ARHGAP22: variants seen among roughly 807,000 people sequenced by gnomAD.
ARHGAP22 encodes Rho GTPase activating protein 22, also known as rho GTPase-activating protein 22.
A neutral mutation model predicts 59.1 loss-of-function variants in ARHGAP22; 48 were observed. That is an observed-to-expected ratio of 0.81 (90% CI 0.64 to 1.03). ARHGAP22 has a LOEUF of 1.03. Among genes scored for constraint, ARHGAP22 ranks in the 50% least tolerant of loss-of-function variants. The pLI is 0.00. For synonymous variants in ARHGAP22, 445 were observed against 416.4 expected (o/e 1.07, Z -0.84); for missense variants, 1,015 against 958.7 (o/e 1.06, Z -0.78).
intron 2 of ARHGAP22, among the ~76,000 whole-genome samples, chr10:48,575,994 C>A (rs186218324): frequency 6.6e-6 from 1 of 152,340 alleles, no homozygotes; most frequent in African/African-American, 2.4e-5. Flanking sequence ...CAAGTATAAG[C>A]AACCCACAAC....
At chr10:48,445,278 A>G (rs931234589), downstream of ARHGAP22, 5 of 152,246 alleles carry the variant, frequency 3.3e-5, no homozygotes, top group African/African-American at 1.2e-4. Context: ...TCTGGTGACC[A>G]CTGCTCCCTG....
intron 1 of ARHGAP22, among the ~76,000 whole-genome samples, chr10:48,643,217 G>C (rs2062128882): frequency 6.6e-6 from 1 of 152,122 alleles, no homozygotes; most frequent in South Asian, 2.1e-4. Context: ...AATATCATTT[G>C]ACCCAGCCAT....
In ARHGAP22 at chr10:48,531,424, A is replaced by G. The variant is rs189959467; in HGVS notation, c.322+24039T>C. Among the ~76,000 whole-genome samples the G allele has an allele frequency of 2.7e-3, 417 of 152,322 alleles. 1 individual carries two copies. The highest frequency in any genetic ancestry group is 9.6e-3 in the African/African-American group (397 of 41,566). On this transcript the variant is annotated intron_variant, in intron 3 of 9. Coordinates refer to ENST00000249601, the MANE Select transcript of ARHGAP22 (RefSeq NM_021226.4). ...GTTCCCCCAAAACCTATTGAAATAC[A>G]TTTTTTTAAAAAAGGAAAATATGTG...
chr10:48,563,495 A>G (rs189382232), intron 2 of ARHGAP22, among the ~76,000 whole-genome samples: 52 of 152,290 alleles, frequency 3.4e-4, no homozygotes, highest in Admixed American at 1.2e-3. Flanking sequence ...TGGCCAATCC[A>G]GCATAATTTC....
At chr10:48,456,747 T>G (rs2046555672) in intron 5 of ARHGAP22, among the ~76,000 whole-genome samples, 1 of 152,124 alleles carries the variant, frequency 6.6e-6, no homozygotes, top group Non-Finnish European at 1.5e-5. Flanking sequence ...CGCAGGGTCC[T>G]GCTGCTTGGC....
intron 2 of ARHGAP22, among the ~76,000 whole-genome samples, chr10:48,561,361 T>A (rs1579818): frequency 0.34 from 50,965 of 151,998 alleles, 9,676 homozygotes; most frequent in East Asian, 0.89. Flanking sequence ...ATACTCAAAA[T>A]GAATGATATA....
chr10:48,607,000 G>C (rs2060704924), upstream of ARHGAP22, among the ~76,000 whole-genome samples: 1 of 152,186 alleles, frequency 6.6e-6, no homozygotes, highest in South Asian at 2.1e-4. Flanking sequence ...CCCTGGTTGG[G>C]ACAGGGGCCA....
intron 8 of ARHGAP22, chr10:48,451,710 A>G: frequency 1.8e-6 from 1 of 555,700 alleles, no homozygotes. Context: ...TCCACCCCCA[A>G]AGTCCCACAC....
At chr10:48,515,892 T>C (rs1050503232) in intron 3 of ARHGAP22, among the ~76,000 whole-genome samples, 4 of 152,122 alleles carry the variant, frequency 2.6e-5, no homozygotes, top group African/African-American at 4.8e-5. Flanking sequence ...TTGGGACGTG[T>C]AGTCCCAACC....
At chr10:48,430,118 G>C in the ARHGAP22 span, 1 of 152,208 alleles carries the variant, frequency 6.6e-6, no homozygotes, top group Non-Finnish European at 1.5e-5. Flanking sequence ...TGTTGAGATG[G>C]AGCCTTGCTC....
chr10:48,450,302 C>G lies in ARHGAP22; in HGVS notation c.1827G>C (p.Glu609Asp). 6.2e-7 allele frequency: 1 copy of G among 1,607,966 alleles called. No individual in the cohort carries two copies. The highest frequency in any genetic ancestry group is 8.5e-7 in the Non-Finnish European group (1 of 1,177,798). ...LQGLVTELRAELCRQRTEYER... is the reference protein window; with the variant it reads ...LQGLVTELRADLCRQRTEYER... ...CGTACTCAGTCCGCTGGCGGCACAG[C>G]TCGGCCCTGAGCTCAGTGACCAGCC... Residue 609 changes from glutamate (E) to aspartate (D), a missense_variant, in exon 9 of 10, where the codon GAG becomes GAC. Coordinates refer to ENST00000249601, the MANE Select transcript of ARHGAP22 (RefSeq NM_021226.4).
Position 48,628,068 on chromosome 10 carries a change from T to C in ARHGAP22, c.52+24166A>G, listed in dbSNP as rs528849977. On this transcript the variant is annotated intron_variant, in intron 1 of 9. Transcript: ENST00000435790. Reference sequence around the variant, plus strand: ...AGCTGGCATCACAGGGACAGACATCTGGCCTCCTTCTCTTCCTTGCAGTGG... The same window carrying C: ...AGCTGGCATCACAGGGACAGACATCCGGCCTCCTTCTCTTCCTTGCAGTGG... Among the ~76,000 whole-genome samples the C allele has an allele frequency of 1.2e-4, 19 of 152,354 alleles. No homozygotes were observed. The South Asian group carries it at 3.9e-3, about 32-fold the overall frequency.
chr10:48,627,357 G>T (rs1195437421), intron 1 of ARHGAP22, among the ~76,000 whole-genome samples: 1 of 152,216 alleles, frequency 6.6e-6, no homozygotes, highest in Non-Finnish European at 1.5e-5. Context: ...GGTCTTGTGG[G>T]ACGGAGCCCT....
At chr10:48,440,528 G>A in the ARHGAP22 span, among the ~76,000 whole-genome samples, 2 of 152,156 alleles carry the variant, frequency 1.3e-5, no homozygotes, top group African/African-American at 4.8e-5. Context: ...CATAAAGAAG[G>A]TTTGGAGAAG....
intron 3 of ARHGAP22, among the ~76,000 whole-genome samples, chr10:48,526,816 C>T (rs192005408): frequency 2.0e-5 from 3 of 152,314 alleles, no homozygotes; most frequent in South Asian, 2.1e-4. Flanking sequence ...TTGGGATACT[C>T]GACTTTTCAA....
At chr10:48,462,677 T>C (rs1159768376) in intron 4 of ARHGAP22, among the ~76,000 whole-genome samples, 1 of 152,158 alleles carries the variant, frequency 6.6e-6, no homozygotes, top group Non-Finnish European at 1.5e-5. Context: ...GAGGTTGCAA[T>C]ACTAACACGA....
At chr10:48,456,962 T>C (rs2046585437) in intron 5 of ARHGAP22, among the ~76,000 whole-genome samples, 1 of 151,954 alleles carries the variant, frequency 6.6e-6, no homozygotes, top group South Asian at 2.1e-4. Flanking sequence ...CGTGGTCCTG[T>C]GGGCGCCTCC....
intron 3 of ARHGAP22, among the ~76,000 whole-genome samples, chr10:48,555,121 T>C (rs10776614): frequency 0.83 from 126,208 of 152,194 alleles, 52,426 homozygotes; most frequent in East Asian, 0.92. Flanking sequence ...TAAATATTCT[T>C]GATCTGTGCT....
At chr10:48,589,336 C>A (rs1230549774) in intron 1 of ARHGAP22, among the ~76,000 whole-genome samples, 5 of 152,150 alleles carry the variant, frequency 3.3e-5, no homozygotes, top group Non-Finnish European at 7.4e-5. Flanking sequence ...GCTTCCCCAG[C>A]CTGCTTCTGG....
Sources: allele counts gnomAD v4.1 joint callset (sites outside exome capture counted in the v4.1 genomes callset), GRCh38; gene constraint gnomAD v4.1.1; transcripts MANE v1.5; gene names NCBI Gene and HGNC (gene_info 2026-07-23, HGNC 2026-07-21).